Variants in ST3GAL1 observed in about 807,000 individuals in gnomAD.
ST3GAL1 encodes CMP-N-acetylneuraminate-beta-galactosamide-alpha-2,3-sialyltransferase 1.
Under a neutral mutation model 34.1 loss-of-function variants are expected in ST3GAL1, and 16 were observed. The ratio of observed to expected loss-of-function variants is 0.47; its 90% confidence interval spans 0.32 to 0.71. The LOEUF (loss-of-function observed/expected upper bound fraction) is 0.71. ST3GAL1 is among the 30% of genes least tolerant of loss of function. The probability of loss-of-function intolerance (pLI) is 0.04; values close to 1 mark genes in which losing one functional copy is unlikely to be tolerated. For synonymous variants in ST3GAL1, 191 were observed against 184.7 expected, an observed-to-expected ratio of 1.03 and a Z score of -0.28; for missense variants, 353 against 447.4, an observed-to-expected ratio of 0.79 and a Z score of 1.90.
At chr8:133,554,730 CT>C (rs1263832188) in intron 1 of ST3GAL1, among the ~76,000 whole-genome samples, 219 of 137,050 alleles carry the variant, frequency 1.6e-3, no homozygotes, top group African/African-American at 2.2e-3. Flanking sequence ...TATTTCTTTT[CT>C]TTTTTTTTTT....
chr8:133,542,085 G>A (rs1818551779), intron 2 of ST3GAL1, among the ~76,000 whole-genome samples: 1 of 149,376 alleles, frequency 6.7e-6, no homozygotes. Context: ...GGGTATCTGT[G>A]TGATACACCA....
chr8:133,472,593 T>A (rs1326625650), intron 5 of ST3GAL1, among the ~76,000 whole-genome samples: 2 of 152,260 alleles, frequency 1.3e-5, no homozygotes, highest in Admixed American at 1.3e-4. Flanking sequence ...AGATATTCCA[T>A]GCCTGTATCC....
At chr8:133,460,049 C>T in intron 9 of ST3GAL1, 112 bp from the exon 10 acceptor site, 1 of 1,175,308 alleles carries the variant, frequency 8.5e-7, no homozygotes, top group Non-Finnish European at 1.2e-6. Context: ...AACAGCATTT[C>T]CAAGGACTCT....
chr8:133,493,186 C>T (rs1211691499), intron 3 of ST3GAL1, among the ~76,000 whole-genome samples: 1 of 152,226 alleles, frequency 6.6e-6, no homozygotes, highest in East Asian at 1.9e-4. Flanking sequence ...AGGCCTCCCA[C>T]ATAGGGAACA....
rs1241544739 is a variant in ST3GAL1 at position 133,556,316 on chromosome 8, TC to T, written c.-581-10391del. Among the ~76,000 whole-genome samples, 6 of 152,190 alleles carry T rather than the reference TC, an allele frequency of 3.9e-5. No homozygotes were observed. The highest frequency in any genetic ancestry group is 3.9e-4 in the Admixed American group (6 of 15,272). On this transcript the variant is annotated intron_variant, in intron 1 of 9. Transcript: ENST00000522652. The surrounding 1 kb of genome is among the most constrained non-coding windows in gnomAD (Gnocchi z 8.9). The stretch of plus-strand genomic sequence containing the variant: ...CACTTGCCCCAGATCTCACCACTGA[TC>T]AACAGCAGGCCTGGTGACTCCAGAG...
chr8:133,527,359 C>T (rs187073218), intron 2 of ST3GAL1, among the ~76,000 whole-genome samples: 3 of 152,250 alleles, frequency 2.0e-5, no homozygotes, highest in Non-Finnish European at 4.4e-5. Context: ...ACAGTGTCGG[C>T]ATCGGGAGTA....
At chr8:133,537,637 G>A (rs1044363913) in intron 2 of ST3GAL1, among the ~76,000 whole-genome samples, 1 of 152,158 alleles carries the variant, frequency 6.6e-6, no homozygotes, top group Non-Finnish European at 1.5e-5. Context: ...CTTGCAGAAC[G>A]CCAGGCCCAT....
intron 7 of ST3GAL1, among the ~76,000 whole-genome samples, chr8:133,464,499 T>C (rs1030895640): frequency 6.6e-6 from 1 of 152,246 alleles, no homozygotes. Context: ...TGACCCTTTC[T>C]AGTGGCGGCC....
chr8:133,546,794 T>A (rs1477556897), intron 1 of ST3GAL1, among the ~76,000 whole-genome samples: 2 of 151,420 alleles, frequency 1.3e-5, no homozygotes, highest in East Asian at 3.9e-4. Flanking sequence ...AGGTCAGGAG[T>A]TCAAAACCAG....
At position 133,466,483 on chromosome 8, in the gene ST3GAL1, G is replaced by A. The variant is rs143144680; in HGVS notation, c.307-393C>T. Reference sequence around the variant, plus strand: ...TCTGAAAGGCCCTCCATCCCCCTACGTGTCACCACTTGAAAGAGAGAAAAA... The same window carrying A: ...TCTGAAAGGCCCTCCATCCCCCTACATGTCACCACTTGAAAGAGAGAAAAA... On this transcript the variant is annotated intron_variant, in intron 5 of 9. Transcript: ENST00000522652. This position sits in a 1 kb window ranked among gnomAD's most constrained non-coding sequence, Gnocchi z 4.4. 1.4e-3 allele frequency among the ~76,000 whole-genome samples: 215 copies of A among 152,202 alleles called. No individual in the cohort carries two copies. The highest frequency in any genetic ancestry group is 4.9e-3 in the African/African-American group (205 of 41,512).
rs1818481198 is a variant in ST3GAL1, at chr8:133,540,936, T to TATATAGACATATATATAGAC, written c.-429+4818_-429+4837dup. 5.8e-5 allele frequency among the ~76,000 whole-genome samples: 7 copies of TATATAGACATATATATAGAC among 121,624 alleles called. 1 individual carries two copies. The highest frequency in any genetic ancestry group is 2.3e-4 in the African/African-American group (7 of 29,952). 79.8% of individuals were successfully genotyped at this position (121,624 alleles called of 152,430 possible). On this transcript the variant is annotated intron_variant, in intron 2 of 9. Transcript: ENST00000522652. ...ATATATAGACATATATATATAGACA[T>TATATAGACATATATATAGAC]ATATAGACATATATATAGACATATA...
At chr8:133,500,478 A>G (rs1817113895) in intron 2 of ST3GAL1, among the ~76,000 whole-genome samples, 1 of 152,208 alleles carries the variant, frequency 6.6e-6, no homozygotes, top group Non-Finnish European at 1.5e-5. Context: ...CCAACACTGC[A>G]GGGAAGGTTA....
Position 133,463,308 on chromosome 8 carries a change from G to C in ST3GAL1, c.729+106C>G, listed in dbSNP as rs1252962996. The C allele has an allele frequency of 5.5e-6, 7 of 1,283,760 alleles. No individual in the cohort carries two copies. The East Asian group carries it at 1.6e-4, about 30-fold the overall frequency. The allele number at this position is 1,283,760 out of a possible 1,614,324, so 79.5% of individuals were successfully genotyped here. A position where few individuals can be genotyped will look rare whatever the true frequency, so the allele number is the denominator to read the frequency against. On this transcript the variant is annotated intron_variant, in intron 8 of 9. Transcript: ENST00000522652. ...TAAGTGGGAGATGCTACCTCCAGCGGCCTGGGGATCTGGGGGCTGTCTTGC... is the reference window on the plus strand; with the variant it reads ...TAAGTGGGAGATGCTACCTCCAGCGCCCTGGGGATCTGGGGGCTGTCTTGC...
chr8:133,479,365 G>A (rs1429959506), intron 3 of ST3GAL1, among the ~76,000 whole-genome samples: 1 of 152,172 alleles, frequency 6.6e-6, no homozygotes, highest in Non-Finnish European at 1.5e-5. Context: ...TGAGCATGCA[G>A]CTGGGGTGAG....
In ST3GAL1 at chr8:133,551,930, G is replaced by T. The variant is rs1299816857; in HGVS notation, c.-581-6004C>A. On this transcript the variant is annotated intron_variant, in intron 1 of 9. Coordinates refer to ENST00000522652, the MANE Select transcript of ST3GAL1 (RefSeq NM_173344.3). ...AGGTGAGTAAATGGAGGCTTGAGGA[G>T]ATTAAGTAATTTGCTCAAGGTCATA... is the stretch of plus-strand genomic sequence containing the variant. 2.6e-5 allele frequency among the ~76,000 whole-genome samples: 4 copies of T among 152,214 alleles called. No individual in the cohort carries two copies. In the East Asian group the frequency reaches 7.7e-4, roughly 29 times the overall value.
intron 8 of ST3GAL1, 53 bp downstream of exon 8, chr8:133,463,361 C>A: frequency 1.9e-6 from 3 of 1,602,214 alleles, no homozygotes; most frequent in Non-Finnish European, 2.6e-6. Flanking sequence ...TAGAGCAGAG[C>A]CTTAGATGAG....
At chr8:133,557,439 G>A (rs1274049746) in intron 1 of ST3GAL1, among the ~76,000 whole-genome samples, 4 of 152,204 alleles carry the variant, frequency 2.6e-5, no homozygotes, top group Non-Finnish European at 5.9e-5. Flanking sequence ...GAGGATAACT[G>A]AGTGGTAATG....
intron 3 of ST3GAL1, among the ~76,000 whole-genome samples, chr8:133,498,703 G>A (rs138700357): frequency 0.012 from 1,839 of 152,294 alleles, 44 homozygotes; most frequent in African/African-American, 0.042. Flanking sequence ...CCTGCCTGCC[G>A]GGCTCCTCTG....
At chr8:133,492,840 G>A (rs1018876974) in intron 3 of ST3GAL1, among the ~76,000 whole-genome samples, 6 of 152,318 alleles carry the variant, frequency 3.9e-5, no homozygotes, top group East Asian at 3.9e-4. Flanking sequence ...ACCCCACCTC[G>A]GGGAGCGTCC....
Sources: allele counts gnomAD v4.1 joint callset (sites outside exome capture counted in the v4.1 genomes callset), GRCh38; gene constraint gnomAD v4.1.1; non-coding constraint Gnocchi (gnomAD v3.1); transcripts MANE v1.5; gene names NCBI Gene and HGNC (gene_info 2026-07-23, HGNC 2026-07-21).